RNLS: variants seen among roughly 807,000 people sequenced by gnomAD.
The protein encoded by RNLS is renalase, FAD dependent amine oxidase.
Under a neutral mutation model 39.8 loss-of-function variants are expected in RNLS, and 39 were observed. The ratio of observed to expected loss-of-function variants is 0.98; its 90% CI spans 0.76 to 1.28. The LOEUF (loss-of-function observed/expected upper bound fraction) is 1.28. Ranked by LOEUF, RNLS falls within the 50% of genes most tolerant of loss-of-function variation. The pLI is 0.00. For synonymous variants in RNLS, 147 were observed against 150.7 expected, an observed-to-expected ratio of 0.98 and a Z score of 0.18; for missense variants, 410 against 413.3, an observed-to-expected ratio of 0.99 and a Z score of 0.07.
At chr10:88,579,697 A>C (rs1433864905) in intron 3 of RNLS, among the ~76,000 whole-genome samples, 2 of 152,194 alleles carry the variant, frequency 1.3e-5, no homozygotes, top group Non-Finnish European at 2.9e-5. Context: ...TGGCCACACT[A>C]TATGAAGCTG....
At chr10:88,556,908 C>T (rs186924119) in intron 4 of RNLS, among the ~76,000 whole-genome samples, 15 of 152,216 alleles carry the variant, frequency 9.9e-5, no homozygotes, top group South Asian at 4.1e-4. Context: ...TTTTCCTCCA[C>T]CCCCTGGATC....
chr10:88,474,755 C>A (rs1303930351), intron 4 of RNLS, among the ~76,000 whole-genome samples: 4 of 151,894 alleles, frequency 2.6e-5, no homozygotes, highest in Admixed American at 6.6e-5. Flanking sequence ...AGGTGTAATA[C>A]CTGACTCAGA....
chr10:88,250,905 C>A, the RNLS span, among the ~76,000 whole-genome samples: 1 of 152,106 alleles, frequency 6.6e-6, no homozygotes. Context: ...TTTAACATAA[C>A]AAAATACACA....
chr10:88,527,768 A>C (rs1258540199), intron 4 of RNLS, among the ~76,000 whole-genome samples: 1 of 152,148 alleles, frequency 6.6e-6, no homozygotes, highest in Non-Finnish European at 1.5e-5. Context: ...CCCATTATGA[A>C]GAAAATCTGC....
intron 4 of RNLS, among the ~76,000 whole-genome samples, chr10:88,411,567 C>T (rs1000987235): frequency 3.3e-5 from 5 of 151,616 alleles, no homozygotes; most frequent in African/African-American, 1.2e-4. Flanking sequence ...TATGCCAAAG[C>T]ACTAACACTC....
chr10:88,452,652 A>C (rs1564810941), intron 4 of RNLS, among the ~76,000 whole-genome samples: 1 of 152,156 alleles, frequency 6.6e-6, no homozygotes. Context: ...GAAATGCTTC[A>C]TCTAGATAAC....
downstream of RNLS, among the ~76,000 whole-genome samples, chr10:88,279,598 A>AACAC (rs58860844): frequency 0.28 from 42,171 of 151,982 alleles, 5,961 homozygotes; most frequent in African/African-American, 0.34. Flanking sequence ...ATGAATCTGC[A>AACAC]TACTTAGCCA....
chr10:88,343,269 A>G (rs1848085775), intron 5 of RNLS, among the ~76,000 whole-genome samples: 1 of 151,780 alleles, frequency 6.6e-6, no homozygotes, highest in Non-Finnish European at 1.5e-5. Context: ...GACAGTGACG[A>G]TGAAGAGAAG....
the RNLS span, among the ~76,000 whole-genome samples, chr10:88,243,506 G>A: frequency 2.0e-5 from 3 of 152,306 alleles, no homozygotes; most frequent in Non-Finnish European, 4.4e-5. Flanking sequence ...TTTCCCCAAA[G>A]GCAAAGCCTT....
At chr10:88,352,651 C>A (rs1848807046) in intron 5 of RNLS, among the ~76,000 whole-genome samples, 1 of 152,152 alleles carries the variant, frequency 6.6e-6, no homozygotes, top group Non-Finnish European at 1.5e-5. Context: ...GGATATTGGC[C>A]TAAGGTTCTC....
At chr10:88,563,499 C>G (rs1397529422) in intron 4 of RNLS, among the ~76,000 whole-genome samples, 4 of 152,090 alleles carry the variant, frequency 2.6e-5, no homozygotes, top group African/African-American at 9.7e-5. Context: ...AAAAGATACT[C>G]TTAATATACT....
At chr10:88,351,995 C>T (rs968735712) in intron 5 of RNLS, among the ~76,000 whole-genome samples, 1 of 152,152 alleles carries the variant, frequency 6.6e-6, no homozygotes, top group Non-Finnish European at 1.5e-5. Flanking sequence ...CATGATTTGG[C>T]TCTCTGTCTG....
intron 4 of RNLS, among the ~76,000 whole-genome samples, chr10:88,406,531 A>C (rs1564773583): frequency 6.6e-6 from 1 of 151,900 alleles, no homozygotes; most frequent in African/African-American, 2.4e-5. Flanking sequence ...GACTTTCCAG[A>C]GCATTTCACA....
the RNLS span, among the ~76,000 whole-genome samples, chr10:88,205,082 G>C: frequency 6.6e-6 from 1 of 152,174 alleles, no homozygotes; most frequent in African/African-American, 2.4e-5. Flanking sequence ...CTGTGTGTCA[G>C]TAGCTGCATT....
At chr10:88,474,046 C>T (rs1387645609) in intron 4 of RNLS, among the ~76,000 whole-genome samples, 1 of 151,986 alleles carries the variant, frequency 6.6e-6, no homozygotes, top group Admixed American at 6.6e-5. Flanking sequence ...CATGCTATCT[C>T]CATTAAATGT....
At chr10:88,334,118 AGTCAAAGG>A (rs1847315742) in intron 5 of RNLS, among the ~76,000 whole-genome samples, 1 of 152,230 alleles carries the variant, frequency 6.6e-6, no homozygotes, top group Non-Finnish European at 1.5e-5. Flanking sequence ...AGAACTGCTG[AGTCAAAGG>A]GTAAGCATAT....
intron 6 of RNLS, among the ~76,000 whole-genome samples, chr10:88,304,936 C>T (rs1844812691): frequency 6.6e-6 from 1 of 152,100 alleles, no homozygotes; most frequent in Admixed American, 6.6e-5. Flanking sequence ...TTAAAGGCAG[C>T]AAGAGAGGAA....
At chr10:88,510,159 A>G (rs1287108655) in intron 4 of RNLS, among the ~76,000 whole-genome samples, 1 of 152,156 alleles carries the variant, frequency 6.6e-6, no homozygotes, top group African/African-American at 2.4e-5. Context: ...TAGATGAAGG[A>G]CCATATTTTC....
intron 5 of RNLS, among the ~76,000 whole-genome samples, chr10:88,335,955 T>C (rs552986700): frequency 1.3e-5 from 2 of 152,350 alleles, no homozygotes; most frequent in Admixed American, 1.3e-4. Flanking sequence ...TGAATAATTG[T>C]TGAATACTTG....
Sources: gnomAD v4.1 joint callset for allele counts (sites outside exome capture counted in the v4.1 genomes callset) on GRCh38, gnomAD v4.1.1 for gene constraint, MANE v1.5 for transcripts, NCBI Gene and HGNC (gene_info 2026-07-23, HGNC 2026-07-21) for gene names.